The following FNDC1 variants were observed in gnomAD, a reference collection of about 807,000 sequenced individuals.
FNDC1 encodes fibronectin type III domain-containing protein 1.
A neutral mutation model predicts 168.0 loss-of-function variants in FNDC1; 96 were observed. That is an observed-to-expected ratio of 0.57 (90% CI 0.48 to 0.68). FNDC1 has a LOEUF of 0.68. FNDC1 is among the 30% of genes least tolerant of loss of function. FNDC1 has a pLI of 0.00. For missense variants in FNDC1, 2,587 were observed against 2,482.1 expected, an observed-to-expected ratio of 1.04 and a Z score of -0.90; for synonymous variants, 1,099 against 1,025.9, an observed-to-expected ratio of 1.07 and a Z score of -1.36.
At position 159,234,331 on chromosome 6, in the gene FNDC1, G is replaced by T; in HGVS notation, c.3819G>T (p.Ala1273=). The change falls in exon 11 of 23, where the codon GCG becomes GCT. Residue 1273 remains alanine, a synonymous_variant. Coordinates refer to ENST00000297267, the MANE Select transcript of FNDC1 (RefSeq NM_032532.3). The part of the protein sequence containing the change: ...PRSAATVSPV[A]GTHPWPQYTT... ...GCGCTGCCACCGTGAGCCCCGTCGCGGGCACCCACCCCTGGCCGCAGTACA... is the reference window on the plus strand; with the variant it reads ...GCGCTGCCACCGTGAGCCCCGTCGCTGGCACCCACCCCTGGCCGCAGTACA... 1 of 1,610,366 alleles carries T rather than the reference G, an allele frequency of 6.2e-7. No individual in the cohort carries two copies. The highest frequency in any genetic ancestry group is 8.5e-7 in the Non-Finnish European group (1 of 1,178,514).
In FNDC1 at chr6:159,221,193, AAC is replaced by A. The variant is rs1297717786; in HGVS notation, c.668-403_668-402del. Among the ~76,000 whole-genome samples the A allele has an allele frequency of 3.3e-5, 5 of 152,352 alleles. No individual in the cohort carries two copies. The East Asian group carries it at 9.6e-4, about 29-fold the overall frequency. ...TCTTTCTTTCTGGTGACAGATTAAA[AAC>A]AGAGTAACCTCCTCTTCTCAATTTT... On this transcript the variant is annotated intron_variant, in intron 5 of 22. Transcript: ENST00000297267.
intron 17 of FNDC1, among the ~76,000 whole-genome samples, chr6:159,253,764 T>C (rs1219357089): frequency 6.6e-6 from 1 of 152,202 alleles, no homozygotes; most frequent in East Asian, 1.9e-4. Flanking sequence ...GCAAGCACCT[T>C]ATCAAAACCC....
rs1027595758 is a variant in FNDC1 at position 159,233,794 on chromosome 6, C to G, written c.3282C>G (p.Pro1094=). The G allele has an allele frequency of 3.9e-6, 6 of 1,537,666 alleles. No homozygotes were observed. The highest frequency in any genetic ancestry group is 5.3e-6 in the Non-Finnish European group (6 of 1,141,200). The part of the protein sequence containing the change: ...TEVEAQDVRA[P]AHAARAKEAA... ...TCGAGGCCCAGGATGTGCGGGCCCCCGCGCACGCCGCGCGCGCCAAGGAGG... is the reference window on the plus strand; with the variant it reads ...TCGAGGCCCAGGATGTGCGGGCCCCGGCGCACGCCGCGCGCGCCAAGGAGG... The change falls in exon 11 of 23, where the codon CCC becomes CCG. Residue 1094 remains proline (P), a synonymous_variant. Coordinates refer to ENST00000297267, the MANE Select transcript of FNDC1 (RefSeq NM_032532.3). The surrounding 1 kb of genome is among the most constrained non-coding windows in gnomAD (Gnocchi z 4.6).
At chr6:159,188,369 CTT>C (rs61551779) in intron 1 of FNDC1, among the ~76,000 whole-genome samples, 4 of 128,636 alleles carry the variant, frequency 3.1e-5, no homozygotes, top group African/African-American at 1.1e-4. Flanking sequence ...CAATTTCTTT[CTT>C]TTTTTTTTTT....
chr6:159,229,449 CTTAGT>C (rs944088725), intron 9 of FNDC1, among the ~76,000 whole-genome samples: 22 of 152,194 alleles, frequency 1.4e-4, no homozygotes, highest in Admixed American at 4.6e-4. Context: ...CTTCTTTTTC[CTTAGT>C]TTATTCTATC....
intron 2 of FNDC1, 69 bp from the exon 3 acceptor site, chr6:159,199,927 G>A: frequency 7.6e-7 from 1 of 1,322,622 alleles, no homozygotes; most frequent in Non-Finnish European, 1.1e-6. Flanking sequence ...GTTATGCATG[G>A]TTAGTGAGTG....
At chr6:159,172,322 G>C (rs980598339) in intron 1 of FNDC1, among the ~76,000 whole-genome samples, 4 of 152,136 alleles carry the variant, frequency 2.6e-5, no homozygotes, top group African/African-American at 9.7e-5. Context: ...AGACAAACTA[G>C]AGCTATTCTG....
Position 159,232,597 on chromosome 6 carries a change from G to C in FNDC1, c.2085G>C (p.Ser695=). ...TGCACCCCGGCGCAAAGCCAGCCTCGCCGGCCCGGAGGACCCCCCATTCAG... is the reference window on the plus strand; with the variant it reads ...TGCACCCCGGCGCAAAGCCAGCCTCCCCGGCCCGGAGGACCCCCCATTCAG... ...SSVHPGAKPA[S]PARRTPHSGA... The change falls in exon 11 of 23, where the codon TCG becomes TCC. Residue 695 remains serine, a synonymous_variant. Transcript: ENST00000297267. The surrounding 1 kb of genome is among the most constrained non-coding windows in gnomAD (Gnocchi z 4.9). 1 of 1,608,024 alleles carries C rather than the reference G, an allele frequency of 6.2e-7. No homozygotes were observed. Among genetic ancestry groups the C allele is most frequent in the South Asian group, 1.1e-5 (1 of 90,474 alleles).
At chr6:159,250,537 G>C (rs1777231016) in intron 16 of FNDC1, among the ~76,000 whole-genome samples, 1 of 152,126 alleles carries the variant, frequency 6.6e-6, no homozygotes, top group Non-Finnish European at 1.5e-5. Context: ...TTCTAATTTA[G>C]TGGGATATAA....
In FNDC1 at chr6:159,169,470, C is replaced by G. The variant is rs1313966025; in HGVS notation, c.-127C>G. 1.0e-5 allele frequency: 2 copies of G among 191,348 alleles called. No homozygotes were observed. Among genetic ancestry groups the G allele is most frequent in the African/African-American group, 4.8e-5 (2 of 41,908 alleles). 11.9% of individuals were successfully genotyped at this position (191,348 alleles called of 1,614,324 possible). A position where few individuals can be genotyped will look rare whatever the true frequency, so the allele number is the denominator to read the frequency against. On this transcript the variant is annotated 5_prime_UTR_variant, in exon 1 of 23. Transcript: ENST00000297267. This position sits in a 1 kb window ranked among gnomAD's most constrained non-coding sequence, Gnocchi z 6.8. ...CGGGGCAGGGGCGCGGCGGGCACCG[C>G]GCAGAGCGCGCAGAACAGACGGACG...
intron 9 of FNDC1, among the ~76,000 whole-genome samples, chr6:159,227,608 T>TC (rs1782979287): frequency 6.6e-6 from 1 of 151,610 alleles, no homozygotes; most frequent in South Asian, 2.1e-4. Flanking sequence ...TTTTTCACTT[T>TC]TTTTTTTTAA....
At chr6:159,205,913 A>G (rs1782477491) in intron 4 of FNDC1, among the ~76,000 whole-genome samples, 1 of 152,244 alleles carries the variant, frequency 6.6e-6, no homozygotes. Flanking sequence ...TTGAGAATGT[A>G]CTTAAAACAC....
At position 159,269,289 on chromosome 6, in the gene FNDC1, T is replaced by TATCTATCC. The variant is rs1554229895; in HGVS notation, c.5569+1366_5569+1367insTATCCATC. On this transcript the variant is annotated intron_variant, in intron 22 of 22. Transcript: ENST00000297267. ...CTATCTATCTATCTATCTATCTATC[T>TATCTATCC]ATCCATCCATCCATCTATCCTATCT... Among the ~76,000 whole-genome samples the TATCTATCC allele has an allele frequency of 4.4e-4, 20 of 45,134 alleles. 2 individuals carry two copies. Among genetic ancestry groups the TATCTATCC allele is most frequent in the African/African-American group, 7.7e-4 (18 of 23,476 alleles). The allele number at this position is 45,134 out of a possible 152,430, so 29.6% of individuals were successfully genotyped here.
At chr6:159,234,612 A>G (rs896453951) in intron 11 of FNDC1, 133 bp downstream of exon 11, 1 of 840,346 alleles carries the variant, frequency 1.2e-6, no homozygotes, top group South Asian at 1.8e-5. Context: ...TGCACATGTG[A>G]CATAATTTCA....
Position 159,266,227 on chromosome 6 carries a change from C to G in FNDC1, c.5428C>G (p.Leu1810Val). ...LCNSLRYKIY[L>V]SDNLKDTFYS... The stretch of plus-strand genomic sequence containing the variant: ...TAATTCACTGAGGTATAAAATCTAC[C>G]TCAGTGACAACCTGAAAGGTAAGTC... Residue 1810 changes from leucine (L) to valine (V), a missense_variant, in exon 21 of 23, where the codon CTC becomes GTC. Physicochemically the swap from Leu to Val is conservative, Grantham distance 32 (BLOSUM62 1). Coordinates refer to ENST00000297267, the MANE Select transcript of FNDC1 (RefSeq NM_032532.3). The G allele has an allele frequency of 6.2e-7, 1 of 1,613,936 alleles. No individual in the cohort carries two copies. Among genetic ancestry groups the G allele is most frequent in the Non-Finnish European group, 8.5e-7 (1 of 1,179,854 alleles).
intron 11 of FNDC1, among the ~76,000 whole-genome samples, chr6:159,235,972 A>G (rs1286433992): frequency 6.6e-6 from 1 of 152,240 alleles, no homozygotes; most frequent in Admixed American, 6.5e-5. Context: ...ACACACTCTC[A>G]TTCCCACAGT....
At chr6:159,267,351 C>T (rs1777612954) in intron 21 of FNDC1, among the ~76,000 whole-genome samples, 1 of 152,196 alleles carries the variant, frequency 6.6e-6, no homozygotes, top group Non-Finnish European at 1.5e-5. Context: ...TCCTACTGTG[C>T]AGCCATGGCT....
Position 159,234,357 on chromosome 6 carries a change from C to A in FNDC1, c.3845C>A (p.Thr1282Asn). 2 of 1,612,072 alleles carry A rather than the reference C, an allele frequency of 1.2e-6. No individual in the cohort carries two copies. The highest frequency in any genetic ancestry group is 1.7e-6 in the Non-Finnish European group (2 of 1,179,150). ...GGCACCCACCCCTGGCCGCAGTACA[C>A]CACGCGCGCCCCACCTGGCCACTTC... ...VAGTHPWPQY[T>N]TRAPPGHFST... Residue 1282 changes from threonine (T) to asparagine (N), a missense_variant, in exon 11 of 23, where the codon ACC (threonine) becomes AAC (asparagine). Physicochemically the swap from Thr to Asn is moderately conservative, Grantham distance 65. Coordinates refer to ENST00000297267, the MANE Select transcript of FNDC1 (RefSeq NM_032532.3).
At chr6:159,264,583 T>C (rs1398809970) in intron 19 of FNDC1, among the ~76,000 whole-genome samples, 1 of 152,224 alleles carries the variant, frequency 6.6e-6, no homozygotes, top group Non-Finnish European at 1.5e-5. Context: ...GGACATATGT[T>C]TCCATTTCTC....
Sources: gnomAD v4.1 joint callset for allele counts (sites outside exome capture counted in the v4.1 genomes callset) on GRCh38, gnomAD v4.1.1 for gene constraint, Gnocchi (gnomAD v3.1) non-coding constraint, MANE v1.5 for transcripts, NCBI Gene and HGNC (gene_info 2026-07-23, HGNC 2026-07-21) for gene names.